PRKAG2: variants seen among roughly 807,000 people sequenced by gnomAD.
The protein encoded by PRKAG2 is protein kinase AMP-activated non-catalytic subunit gamma 2, also known as 5'-AMP-activated protein kinase subunit gamma-2.
A neutral mutation model predicts 69.6 loss-of-function variants in PRKAG2; 26 were observed. The ratio of observed to expected loss-of-function variants is 0.37; its 90% CI spans 0.27 to 0.52. The LOEUF is 0.52. PRKAG2 is among the 20% of genes least tolerant of loss of function. The probability of loss-of-function intolerance (pLI) is 0.90; values close to 1 mark genes in which losing one functional copy is unlikely to be tolerated. For synonymous variants in PRKAG2, 293 were observed against 285.0 expected (o/e 1.03, Z -0.28); for missense variants, 557 against 740.0 (o/e 0.75, Z 2.87).
chr7:151,721,395 G>A (rs1184770761), intron 3 of PRKAG2, among the ~76,000 whole-genome samples: 3 of 133,542 alleles, frequency 2.2e-5, no homozygotes, highest in African/African-American at 8.8e-5. Context: ...GCCAGGGCCG[G>A]GGCCAGGGCC....
intron 1 of PRKAG2, among the ~76,000 whole-genome samples, chr7:151,799,459 A>G (rs536067389): frequency 1.3e-5 from 2 of 152,334 alleles, no homozygotes; most frequent in South Asian, 4.1e-4. Flanking sequence ...TAATTCTATG[A>G]AGCCACTTGG....
intron 3 of PRKAG2, among the ~76,000 whole-genome samples, chr7:151,728,823 C>T (rs1473121496): frequency 6.6e-6 from 1 of 152,160 alleles, no homozygotes; most frequent in African/African-American, 2.4e-5. Flanking sequence ...CCCACCAGCG[C>T]CCAGCCCCGT....
intron 3 of PRKAG2, among the ~76,000 whole-genome samples, chr7:151,747,783 T>A (rs574482926): frequency 1.3e-5 from 2 of 152,166 alleles, no homozygotes; most frequent in Non-Finnish European, 2.9e-5. Flanking sequence ...CTCTTTCAGA[T>A]TGGCTTTATC....
At chr7:151,816,329 T>G (rs1484473368) in intron 1 of PRKAG2, among the ~76,000 whole-genome samples, 2 of 152,114 alleles carry the variant, frequency 1.3e-5, no homozygotes, top group Non-Finnish European at 2.9e-5. Flanking sequence ...GGAAACTGTT[T>G]TTTGTTTTTT....
At chr7:151,649,896 A>G (rs1828183764) in intron 4 of PRKAG2, among the ~76,000 whole-genome samples, 1 of 152,156 alleles carries the variant, frequency 6.6e-6, no homozygotes, top group Non-Finnish European at 1.5e-5. Context: ...ATTTATAGCA[A>G]TGAGAGAATG....
intron 1 of PRKAG2, among the ~76,000 whole-genome samples, chr7:151,845,583 G>A (rs1356575952): frequency 6.6e-6 from 1 of 152,158 alleles, no homozygotes; most frequent in Non-Finnish European, 1.5e-5. Context: ...GGCCCTGGCA[G>A]CATCAGGACT....
In PRKAG2 at chr7:151,876,525, C is replaced by T; in HGVS notation, c.96G>A (p.Ser32=). ...GACTCACCGGAATGTGCACGCGCAG[C>T]GAACGCCTCTTCTGGCTGGCATTTT... ...GKKNASQKRR[S]LRVHIPDLSS... is the part of the protein sequence containing the mutation. The change falls in exon 1 of 16, where the codon TCG becomes TCA. Residue 32 remains serine, a synonymous_variant. Transcript: ENST00000287878. 6.2e-7 allele frequency: 1 copy of T among 1,607,590 alleles called. No homozygotes were observed. Among genetic ancestry groups the T allele is most frequent in the Non-Finnish European group, 8.5e-7 (1 of 1,179,858 alleles).
intron 1 of PRKAG2, among the ~76,000 whole-genome samples, chr7:151,860,588 A>G (rs2079893747): frequency 6.6e-6 from 1 of 151,648 alleles, no homozygotes; most frequent in South Asian, 2.1e-4. Context: ...CCCGAGGCCC[A>G]CTGCAGACTG....
intron 1 of PRKAG2, among the ~76,000 whole-genome samples, chr7:151,793,660 C>T (rs761270081): frequency 6.6e-6 from 1 of 152,200 alleles, no homozygotes; most frequent in African/African-American, 2.4e-5. Flanking sequence ...CTGGATCTCG[C>T]CCCAAGTGGT....
In PRKAG2 at chr7:151,814,922, A is replaced by G. The variant is rs1182582967; in HGVS notation, c.115-28381T>C. On this transcript the variant is annotated intron_variant, in intron 1 of 15. Coordinates refer to ENST00000287878, the MANE Select transcript of PRKAG2 (RefSeq NM_016203.4). This position sits in a 1 kb window ranked among gnomAD's most constrained non-coding sequence, Gnocchi z 4.8. The stretch of plus-strand genomic sequence containing the variant: ...AGGGAGGGCTGGACCGGAGCTTTTA[A>G]AAAGACAGGCAGCAGGATGGAGGGA... The G allele has an allele frequency of 8.3e-7, 1 of 1,209,998 alleles. No individual in the cohort carries two copies. The highest frequency in any genetic ancestry group is 1.0e-6 in the Non-Finnish European group (1 of 968,820). The allele number at this position is 1,209,998 out of a possible 1,614,324, so 75.0% of individuals were successfully genotyped here.
In PRKAG2 at chr7:151,632,292, G is replaced by T. The variant is rs931465000; in HGVS notation, c.685-154C>A. ...ACGCGGGCAGCGGGGGCCGGGGGCG[G>T]AGCGGGAGCGCTGCCCCCACCCGCC... On this transcript the variant is annotated intron_variant, in intron 4 of 15. Transcript: ENST00000287878. This position sits in a 1 kb window ranked among gnomAD's most constrained non-coding sequence, Gnocchi z 4.2. 3.3e-5 allele frequency: 32 copies of T among 958,332 alleles called. No homozygotes were observed. Among genetic ancestry groups the T allele is most frequent in the Non-Finnish European group, 4.0e-5 (32 of 805,614 alleles). The allele number at this position is 958,332 out of a possible 1,614,324, so 59.4% of individuals were successfully genotyped here.
intron 3 of PRKAG2, among the ~76,000 whole-genome samples, chr7:151,685,833 C>G (rs1292720786): frequency 6.6e-6 from 1 of 151,610 alleles, no homozygotes; most frequent in Non-Finnish European, 1.5e-5. Flanking sequence ...AATAAAAGCT[C>G]CTTGGGATCC....
chr7:151,585,757 G>C (rs375318174), intron 6 of PRKAG2, among the ~76,000 whole-genome samples: 1 of 152,192 alleles, frequency 6.6e-6, no homozygotes, highest in African/African-American at 2.4e-5. Context: ...GCTGAAGAGC[G>C]TGGGGCACAA....
rs936835062 is a variant in PRKAG2 at position 151,833,978 on chromosome 7, G to C, written c.114+42529C>G. Among the ~76,000 whole-genome samples the C allele has an allele frequency of 3.3e-5, 5 of 152,342 alleles. No individual in the cohort carries two copies. The South Asian group carries it at 8.3e-4, about 25-fold the overall frequency. The stretch of plus-strand genomic sequence containing the variant: ...TCTAGGAGAAGGCCCGGCCCATGGC[G>C]GGGGCCAGGCAGGGATAACAGAATA... On this transcript the variant is annotated intron_variant, in intron 1 of 15. Transcript: ENST00000287878.
At chr7:151,688,919 G>T (rs1406269004) in intron 3 of PRKAG2, among the ~76,000 whole-genome samples, 1 of 152,106 alleles carries the variant, frequency 6.6e-6, no homozygotes, top group Non-Finnish European at 1.5e-5. Context: ...TCTCCTCCAG[G>T]GTGGCCGGCC....
intron 5 of PRKAG2, among the ~76,000 whole-genome samples, chr7:151,630,520 A>G (rs1824156151): frequency 1.3e-5 from 2 of 152,212 alleles, no homozygotes; most frequent in Admixed American, 1.3e-4. Flanking sequence ...TATTAGCTCT[A>G]TTTTAGAAAT....
chr7:151,717,068 A>G (rs141528030), intron 3 of PRKAG2, among the ~76,000 whole-genome samples: 14,734 of 152,148 alleles, frequency 0.097, 1,612 homozygotes, highest in African/African-American at 0.26. Flanking sequence ...CCAACATGGC[A>G]AAACCCTGTC....
chr7:151,631,843 T>C (rs1029293148), intron 5 of PRKAG2: 10 of 495,248 alleles, frequency 2.0e-5, no homozygotes, highest in Non-Finnish European at 3.8e-5. Context: ...GGCTGCGCTC[T>C]GGGAGCCTGG....
At chr7:151,634,904 C>G (rs1825453580) in intron 4 of PRKAG2, among the ~76,000 whole-genome samples, 1 of 149,914 alleles carries the variant, frequency 6.7e-6, no homozygotes, top group African/African-American at 2.5e-5. Flanking sequence ...AGGATTACTT[C>G]TACACTGCTG....
Sources: allele counts gnomAD v4.1 joint callset (sites outside exome capture counted in the v4.1 genomes callset), GRCh38; gene constraint gnomAD v4.1.1; non-coding constraint Gnocchi (gnomAD v3.1); transcripts MANE v1.5; gene names NCBI Gene and HGNC (gene_info 2026-07-23, HGNC 2026-07-21).